CLIP1: variants seen among roughly 807,000 people sequenced by gnomAD.
CLIP1 encodes the protein CAP-Gly domain containing linker protein 1.
In CLIP1, 66 loss-of-function variants were observed where a neutral mutation model predicts 161.6. That is an observed-to-expected ratio of 0.41 (90% confidence interval 0.33 to 0.50). CLIP1 has a LOEUF of 0.50. Ranked by LOEUF, CLIP1 falls within the 20% of genes least tolerant of loss-of-function variation. CLIP1 has a pLI of 0.27. For missense variants in CLIP1, 1,376 were observed against 1,702.0 expected, an observed-to-expected ratio of 0.81 and a Z score of 3.37; for synonymous variants, 598 against 626.2, an observed-to-expected ratio of 0.96 and a Z score of 0.67.
In CLIP1 at chr12:122,278,193, G is replaced by A; in HGVS notation, c.3927C>T (p.Asp1309=). The part of the protein sequence containing the change: ...RQLSSSSGNT[D]TQADEDERAQ... ...CTCTTTCATCCTCGTCTGCCTGAGT[G>A]TCTGTATTACCTTATATTTGAGGAA... The change falls in exon 24 of 26, where the codon GAC becomes GAT. Residue 1309 remains aspartate (D), a synonymous_variant. Coordinates refer to ENST00000620786, the MANE Select transcript of CLIP1 (RefSeq NM_001247997.2). The A allele has an allele frequency of 6.5e-7, 1 of 1,543,210 alleles. No homozygotes were observed. Among genetic ancestry groups the A allele is most frequent in the South Asian group, 1.1e-5 (1 of 89,516 alleles).
At chr12:122,420,415 T>C (rs1324898834) in intron 1 of CLIP1, among the ~76,000 whole-genome samples, 1 of 151,768 alleles carries the variant, frequency 6.6e-6, no homozygotes, top group African/African-American at 2.4e-5. Context: ...GATTAGCTTA[T>C]GTCATGCTGA....
At position 122,279,192 on chromosome 12, in the gene CLIP1, G is replaced by C; in HGVS notation, c.3648-47C>G. On this transcript the variant is annotated intron_variant, in intron 21 of 25. Transcript: ENST00000620786. This position sits in a 1 kb window ranked among gnomAD's most constrained non-coding sequence, Gnocchi z 4.5. The stretch of plus-strand genomic sequence containing the variant: ...AGTTCCACAAATCAACCGAAAGACT[G>C]GTCAGTGTACAACTGTTCTAGAACA... The C allele has an allele frequency of 7.8e-7, 1 of 1,277,162 alleles. No homozygotes were observed. The allele number at this position is 1,277,162 out of a possible 1,614,324, so 79.1% of individuals were successfully genotyped here.
At chr12:122,418,974 A>T (rs1303070498) in intron 1 of CLIP1, among the ~76,000 whole-genome samples, 1 of 152,222 alleles carries the variant, frequency 6.6e-6, no homozygotes, top group East Asian at 1.9e-4. Flanking sequence ...GTTAACAAAT[A>T]TTAAACCCTC....
intron 1 of CLIP1, among the ~76,000 whole-genome samples, chr12:122,402,452 A>G (rs1956177278): frequency 1.3e-5 from 2 of 152,128 alleles, no homozygotes; most frequent in African/African-American, 4.8e-5. Flanking sequence ...TGGTCATGGC[A>G]CTGCACTCCA....
intron 21 of CLIP1, chr12:122,280,824 G>C (rs1006340875): frequency 7.2e-5 from 11 of 152,234 alleles, no homozygotes; most frequent in African/African-American, 2.7e-4. Flanking sequence ...CCTAGGCTAG[G>C]CCACAGGCCA....
In CLIP1 at chr12:122,333,052, C is replaced by T; in HGVS notation, c.2802G>A (p.Met934Ile). ...GAGAAGAGTTATCTCCTGACATCTT[C>T]ATTATTTCTGCAATGTCATTTTCCA... ...EKLENDIAEI[M>I]KMSGDNSSQL... The change falls in exon 15 of 26, where the codon ATG (methionine) becomes ATA (isoleucine). Residue 934 changes from methionine (M) to isoleucine (I), a missense_variant. Coordinates refer to ENST00000620786, the MANE Select transcript of CLIP1 (RefSeq NM_001247997.2). 1.2e-6 allele frequency: 2 copies of T among 1,613,656 alleles called. No individual in the cohort carries two copies. Among genetic ancestry groups the T allele is most frequent in the Non-Finnish European group, 1.7e-6 (2 of 1,179,654 alleles).
At position 122,278,151 on chromosome 12, in the gene CLIP1, T is replaced by C. The variant is rs749532699; in HGVS notation, c.3966+3A>G. ...AAGTAAAGCAATAAGGCAGGAACATTACCTGACTCTCCTGGGCTCTTTCAT... is the reference window on the plus strand; with the variant it reads ...AAGTAAAGCAATAAGGCAGGAACATCACCTGACTCTCCTGGGCTCTTTCAT... On this transcript the variant is annotated splice_donor_region_variant and intron_variant, in intron 24 of 25. Coordinates refer to ENST00000620786, the MANE Select transcript of CLIP1 (RefSeq NM_001247997.2). The C allele has an allele frequency of 6.2e-7, 1 of 1,607,082 alleles. No individual in the cohort carries two copies. Among genetic ancestry groups the C allele is most frequent in the Non-Finnish European group, 8.5e-7 (1 of 1,178,832 alleles).
chr12:122,392,795 T>A (rs1250948620), intron 1 of CLIP1, among the ~76,000 whole-genome samples: 1 of 152,154 alleles, frequency 6.6e-6, no homozygotes, highest in Non-Finnish European at 1.5e-5. Flanking sequence ...TTTGGTTTTT[T>A]TTTGAGACAG....
chr12:122,361,989 TG>T (rs1329800457), intron 4 of CLIP1, among the ~76,000 whole-genome samples: 3 of 151,986 alleles, frequency 2.0e-5, no homozygotes, highest in Non-Finnish European at 4.4e-5. Flanking sequence ...AGTCTCAGTC[TG>T]TTGCCCAGGC....
At chr12:122,343,127 A>T (rs1401653285) in intron 10 of CLIP1, 2 of 146,374 alleles carry the variant, frequency 1.4e-5, no homozygotes, top group Non-Finnish European at 3.0e-5. Flanking sequence ...ATGAAGAATT[A>T]ATTTACTAAA....
chr12:122,354,577 G>A (rs561252581), intron 6 of CLIP1, 21 bp from the exon 7 acceptor site: 34 of 1,582,112 alleles, frequency 2.1e-5, no homozygotes, highest in Middle Eastern at 1.7e-4. Context: ...CAAGAATGTC[G>A]GTAAATGGAC....
In CLIP1 at chr12:122,272,638, C is replaced by T. The variant is rs561491601; in HGVS notation, c.*237G>A. On this transcript the variant is annotated 3_prime_UTR_variant, in exon 26 of 26. Transcript: ENST00000620786. ...TGGCATCTGGTGCAATGTCTTCAAA[C>T]GTAAAAATCAAGAAAACAAAATTCG... 3 of 501,076 alleles carry T rather than the reference C, an allele frequency of 6.0e-6. No individual in the cohort carries two copies. The highest frequency in any genetic ancestry group is 1.9e-5 in the African/African-American group (1 of 52,068). 31.0% of individuals were successfully genotyped at this position (501,076 alleles called of 1,614,324 possible). A position where few individuals can be genotyped will look rare whatever the true frequency, so the allele number is the denominator to read the frequency against.
At chr12:122,375,498 G>C (rs1954674237) in intron 3 of CLIP1, among the ~76,000 whole-genome samples, 1 of 152,032 alleles carries the variant, frequency 6.6e-6, no homozygotes, top group South Asian at 2.1e-4. Context: ...TGTATTTTTA[G>C]TAGAGACGGG....
At chr12:122,293,060 A>G (rs1367520049) in intron 20 of CLIP1, among the ~76,000 whole-genome samples, 6 of 151,942 alleles carry the variant, frequency 3.9e-5, no homozygotes, top group Admixed American at 2.6e-4. Context: ...AGATGGGGAG[A>G]AAACATTCGC....
rs527656705 is a variant in CLIP1 at position 122,311,348 on chromosome 12, C to T, written c.3474-1466G>A. 1.3e-5 allele frequency among the ~76,000 whole-genome samples: 2 copies of T among 152,074 alleles called. No individual in the cohort carries two copies. Among genetic ancestry groups the T allele is most frequent in the South Asian group, 2.1e-4 (1 of 4,816 alleles). On this transcript the variant is annotated intron_variant, in intron 19 of 25. Coordinates refer to ENST00000620786, the MANE Select transcript of CLIP1 (RefSeq NM_001247997.2). The surrounding 1 kb of genome is among the most constrained non-coding windows in gnomAD (Gnocchi z 4.3). ...AAGCCCACAGGAAGGAAAATAAAAA[C>T]GACACATCAAGGAAGTAATCTAAAA... is the stretch of plus-strand genomic sequence containing the variant.
chr12:122,345,260 C>T (rs941563196), intron 10 of CLIP1, among the ~76,000 whole-genome samples: 2 of 151,506 alleles, frequency 1.3e-5, no homozygotes, highest in East Asian at 1.9e-4. Context: ...CTGCAAGCCT[C>T]GACCTCCTGG....
intron 1 of CLIP1, among the ~76,000 whole-genome samples, chr12:122,401,869 T>C (rs1465707585): frequency 2.0e-5 from 3 of 151,990 alleles, no homozygotes; most frequent in African/African-American, 7.2e-5. Flanking sequence ...TGGTAGCACA[T>C]GCCTGTAATC....
At chr12:122,403,165 A>C (rs1318271957) in intron 1 of CLIP1, among the ~76,000 whole-genome samples, 1 of 152,224 alleles carries the variant, frequency 6.6e-6, no homozygotes, top group African/African-American at 2.4e-5. Context: ...AGAAATGTAA[A>C]ACTCCTGAAT....
In CLIP1 at chr12:122,377,313, G is replaced by A. The variant is rs942280897; in HGVS notation, c.657+76C>T. On this transcript the variant is annotated intron_variant, in intron 3 of 25. Coordinates refer to ENST00000620786, the MANE Select transcript of CLIP1 (RefSeq NM_001247997.2). ...GTGAGCCACCGCGCCCAGCCCTGAT[G>A]TGTGTGTATTTCAACCACTCACTGG... 27 of 1,352,436 alleles carry A rather than the reference G, an allele frequency of 2.0e-5. No homozygotes were observed. In the African/African-American group the frequency reaches 3.8e-4, roughly 19 times the overall value. 83.8% of individuals were successfully genotyped at this position (1,352,436 alleles called of 1,614,324 possible).
Sources: allele counts gnomAD v4.1 joint callset (sites outside exome capture counted in the v4.1 genomes callset), GRCh38; gene constraint gnomAD v4.1.1; non-coding constraint Gnocchi (gnomAD v3.1); transcripts MANE v1.5; gene names NCBI Gene and HGNC (gene_info 2026-07-23, HGNC 2026-07-21).